PHF24: variants seen among roughly 807,000 people sequenced by gnomAD.
The protein encoded by PHF24 is PHD finger protein 24, also known as Galpha inhibitory interacting protein.
A neutral mutation model predicts 42.6 loss-of-function variants in PHF24; 25 were observed. That is an observed-to-expected ratio of 0.59 (90% CI 0.43 to 0.82). The LOEUF (loss-of-function observed/expected upper bound fraction) is 0.82, where lower values mean the gene tolerates loss of function less well. PHF24 is among the 40% of genes least tolerant of loss of function. The probability of loss-of-function intolerance (pLI) is 0.00; values close to 1 mark genes in which losing one functional copy is unlikely to be tolerated. For synonymous variants in PHF24, 185 were observed against 204.8 expected (o/e 0.90, Z 0.83); for missense variants, 470 against 538.1 (o/e 0.87, Z 1.25).
the PHF24 span, among the ~76,000 whole-genome samples, chr9:34,686,896 G>A: frequency 1.1e-3 from 160 of 152,302 alleles, 1 homozygote; most frequent in African/African-American, 2.9e-3. Flanking sequence ...GTGACTCACC[G>A]TGAAAGAGGA....
At position 34,978,033 on chromosome 9, in the gene PHF24, C is replaced by G. The variant is rs767514693; in HGVS notation, c.1125C>G (p.Thr375=). Reference sequence around the variant, plus strand: ...ACTCCAGATTTGTGGACTGGCCTACCTTCCTGCAAGAGAATGTCCTCTACA... The same window carrying G: ...ACTCCAGATTTGTGGACTGGCCTACGTTCCTGCAAGAGAATGTCCTCTACA... The change falls in exon 8 of 8, where the codon ACC becomes ACG. Residue 375 remains threonine (T), a synonymous_variant. Coordinates refer to ENST00000242315, the Ensembl canonical transcript of PHF24. The G allele has an allele frequency of 3.1e-6, 5 of 1,614,110 alleles. 1 individual carries two copies. In the South Asian group the frequency reaches 5.5e-5, roughly 18 times the overall value.
chr9:34,757,870 T>C, the PHF24 span, among the ~76,000 whole-genome samples: 1 of 152,160 alleles, frequency 6.6e-6, no homozygotes, highest in African/African-American at 2.4e-5. Context: ...TCTGGCTTGC[T>C]GGGATTAGGG....
At chr9:34,920,270 C>G in the PHF24 span, among the ~76,000 whole-genome samples, 1 of 152,098 alleles carries the variant, frequency 6.6e-6, no homozygotes, top group Admixed American at 6.5e-5. Flanking sequence ...GAGATGATAC[C>G]TCACTGTAGT....
chr9:34,778,511 T>A, the PHF24 span, among the ~76,000 whole-genome samples: 1 of 152,116 alleles, frequency 6.6e-6, no homozygotes, highest in East Asian at 1.9e-4. Context: ...AAGACAAAAA[T>A]GCCATTAGGT....
the PHF24 span, chr9:34,833,248 G>T: frequency 8.5e-4 from 1,310 of 1,549,720 alleles, 2 homozygotes; most frequent in Non-Finnish European, 1.1e-3. Flanking sequence ...CCAGGCTGGG[G>T]TTGTTCACAC....
At chr9:34,917,064 G>GAGCGGAGTGGGTGAAT in the PHF24 span, 1 of 673,710 alleles carries the variant, frequency 1.5e-6, no homozygotes, top group South Asian at 1.5e-5. Flanking sequence ...AGTGGGTGAA[G>GAGCGGAGTGGGTGAAT]AGCGGAGCGT....
the PHF24 span, among the ~76,000 whole-genome samples, chr9:34,826,490 C>G: frequency 2.0e-5 from 3 of 152,190 alleles, no homozygotes; most frequent in African/African-American, 7.2e-5. Flanking sequence ...AGCAGTGTCT[C>G]CATGGAGTCT....
chr9:34,903,804 C>T, the PHF24 span, among the ~76,000 whole-genome samples: 1 of 152,158 alleles, frequency 6.6e-6, no homozygotes, highest in African/African-American at 2.4e-5. Context: ...TTCTACCCAT[C>T]CATGAGATTG....
chr9:34,673,873 G>A, the PHF24 span, among the ~76,000 whole-genome samples: 1 of 151,960 alleles, frequency 6.6e-6, no homozygotes, highest in African/African-American at 2.4e-5. Flanking sequence ...TGCCTGCCTC[G>A]GCCTCCCAGA....
At chr9:34,917,994 A>G in the PHF24 span, 1 of 1,364,518 alleles carries the variant, frequency 7.3e-7, no homozygotes, top group Non-Finnish European at 1.1e-6. Context: ...TGGGGAGGCC[A>G]TCAAGAAATT....
At chr9:34,932,704 C>T in the PHF24 span, among the ~76,000 whole-genome samples, 1 of 151,560 alleles carries the variant, frequency 6.6e-6, no homozygotes, top group African/African-American at 2.4e-5. Context: ...AAATATTTTA[C>T]AATTAATAAG....
chr9:34,754,283 T>A, the PHF24 span, among the ~76,000 whole-genome samples: 1 of 152,118 alleles, frequency 6.6e-6, no homozygotes, highest in Non-Finnish European at 1.5e-5. Flanking sequence ...TGCAAACTAT[T>A]CATCTGACAA....
chr9:34,777,705 G>A, the PHF24 span, among the ~76,000 whole-genome samples: 9 of 152,190 alleles, frequency 5.9e-5, no homozygotes, highest in Admixed American at 1.3e-4. Flanking sequence ...ATGGTAGCTG[G>A]TGCCTAATTC....
the PHF24 span, among the ~76,000 whole-genome samples, chr9:34,861,097 A>G: frequency 6.6e-6 from 1 of 152,200 alleles, no homozygotes; most frequent in Non-Finnish European, 1.5e-5. Context: ...GCAGCTGGGC[A>G]GAAAAAAAAT....
chr9:34,690,068 G>A, the PHF24 span: 1 of 1,591,320 alleles, frequency 6.3e-7, no homozygotes, highest in Non-Finnish European at 8.6e-7. Context: ...AATCCAGCAT[G>A]CCTGGGGACC....
intron 3 of PHF24, 35 bp downstream of exon 3, chr9:34,972,566 G>C: frequency 6.5e-7 from 1 of 1,546,244 alleles, no homozygotes; most frequent in South Asian, 1.2e-5. Context: ...AGAGGACTTG[G>C]CACTTTTCCT....
chr9:34,890,370 A>C, the PHF24 span, among the ~76,000 whole-genome samples: 1 of 152,110 alleles, frequency 6.6e-6, no homozygotes, highest in Non-Finnish European at 1.5e-5. Context: ...ACTTTTGCAA[A>C]GACCTGGTCT....
At chr9:34,735,154 G>C in the PHF24 span, among the ~76,000 whole-genome samples, 5 of 45,948 alleles carry the variant, frequency 1.1e-4, no homozygotes, top group Admixed American at 1.0e-3. Flanking sequence ...TTTTTTTTTT[G>C]AGACGGAGTC....
chr9:34,875,201 A>G, the PHF24 span, among the ~76,000 whole-genome samples: 1 of 152,190 alleles, frequency 6.6e-6, no homozygotes, highest in Non-Finnish European at 1.5e-5. Flanking sequence ...AAGTGAGAAT[A>G]TACTATCACA....
Sources: gnomAD v4.1 joint callset for allele counts (sites outside exome capture counted in the v4.1 genomes callset) on GRCh38, gnomAD v4.1.1 for gene constraint, MANE v1.5 for transcripts, NCBI Gene and HGNC (gene_info 2026-07-23, HGNC 2026-07-21) for gene names.